Variants in POGZ observed in about 807,000 individuals in gnomAD.
The protein encoded by POGZ is pogo transposable element with ZNF domain.
In POGZ, 17 loss-of-function variants were observed where a neutral mutation model predicts 134.6. The ratio of observed to expected loss-of-function variants is 0.13; its 90% confidence interval spans 0.09 to 0.19. POGZ has a LOEUF of 0.19. Among genes scored for constraint, POGZ ranks in the 10% least tolerant of loss-of-function variants. POGZ has a pLI of 1.00. For missense variants in POGZ, 1,306 were observed against 1,769.7 expected, an observed-to-expected ratio of 0.74 and a Z score of 4.70; for synonymous variants, 693 against 657.1, an observed-to-expected ratio of 1.05 and a Z score of -0.84.
At chr1:151,440,415 T>C (rs569526534) in intron 3 of POGZ, among the ~76,000 whole-genome samples, 28 of 152,102 alleles carry the variant, frequency 1.8e-4, no homozygotes, top group Non-Finnish European at 3.4e-4. Flanking sequence ...AAACCAATAC[T>C]ATATAGCCTT....
In POGZ at chr1:151,459,282, A is replaced by T. The variant is rs932940007; in HGVS notation, c.-132T>A. The T allele has an allele frequency of 1.3e-5, 2 of 149,778 alleles. No homozygotes were observed. The highest frequency in any genetic ancestry group is 4.9e-5 in the African/African-American group (2 of 40,530). 9.3% of individuals were successfully genotyped at this position (149,778 alleles called of 1,614,324 possible). ...GGGGGCTTGGGGGGAGACGAAGAAG[A>T]GGTAACCGTTGAAAGCTCGTCTCCC... On this transcript the variant is annotated 5_prime_UTR_variant, in exon 1 of 19. Coordinates refer to ENST00000271715, the MANE Select transcript of POGZ (RefSeq NM_015100.4).
chr1:151,428,478 C>A, intron 5 of POGZ, 65 bp from the exon 6 acceptor site: 1 of 1,371,928 alleles, frequency 7.3e-7, no homozygotes, highest in Non-Finnish European at 1.0e-6. Flanking sequence ...ATTCTCCCTG[C>A]CTTTACTGGA....
chr1:151,427,652 G>C (rs764915472), intron 7 of POGZ, 171 bp downstream of exon 7: 43 of 587,458 alleles, frequency 7.3e-5, no homozygotes, highest in Non-Finnish European at 1.2e-4. Context: ...AGCTGATTCA[G>C]TTACACTTTT....
chr1:151,412,228 A>G, intron 11 of POGZ, 68 bp downstream of exon 11: 2 of 805,772 alleles, frequency 2.5e-6, no homozygotes, highest in South Asian at 3.0e-5. Flanking sequence ...AACAATATTC[A>G]TTAGTAAATT....
intron 10 of POGZ, among the ~76,000 whole-genome samples, chr1:151,416,409 G>A (rs1254404035): frequency 3.3e-5 from 5 of 151,894 alleles, no homozygotes; most frequent in Non-Finnish European, 5.9e-5. Context: ...GGATGAGGCA[G>A]GAGAACTGCC....
At chr1:151,456,065 A>C (rs1662740717) in intron 1 of POGZ, among the ~76,000 whole-genome samples, 1 of 152,102 alleles carries the variant, frequency 6.6e-6, no homozygotes, top group African/African-American at 2.4e-5. Context: ...CTTAAAGGAC[A>C]GTTAACATTT....
Position 151,403,770 on chromosome 1 carries a change from G to C in POGZ, c.*1032C>G. ...GTCTTTTTAAAGTTCAACACTTCTTGAACAATTAGCTCCTGGCTGTAGGAC... is the reference window on the plus strand; with the variant it reads ...GTCTTTTTAAAGTTCAACACTTCTTCAACAATTAGCTCCTGGCTGTAGGAC... On this transcript the variant is annotated 3_prime_UTR_variant, in exon 19 of 19. Coordinates refer to ENST00000271715, the MANE Select transcript of POGZ (RefSeq NM_015100.4). 1 of 985,600 alleles carries C rather than the reference G, an allele frequency of 1.0e-6. No homozygotes were observed. Among genetic ancestry groups the C allele is most frequent in the Non-Finnish European group, 1.2e-6 (1 of 829,888 alleles). 61.1% of individuals were successfully genotyped at this position (985,600 alleles called of 1,614,324 possible).
chr1:151,421,784 G>C (rs556763462), intron 10 of POGZ, among the ~76,000 whole-genome samples: 2 of 152,216 alleles, frequency 1.3e-5, no homozygotes, highest in Admixed American at 1.3e-4. Context: ...ACAGAGACTC[G>C]CTCTGTCATC....
chr1:151,434,342 T>C (rs12749695), intron 3 of POGZ, among the ~76,000 whole-genome samples: 29 of 151,772 alleles, frequency 1.9e-4, no homozygotes, highest in Admixed American at 1.8e-3. Flanking sequence ...GGCATGGTGG[T>C]GTGTGCCTGT....
At chr1:151,456,270 T>C (rs1455603732) in intron 1 of POGZ, among the ~76,000 whole-genome samples, 1 of 152,192 alleles carries the variant, frequency 6.6e-6, no homozygotes, top group Admixed American at 6.5e-5. Context: ...AATATTGCAG[T>C]CCTTAACCAC....
intron 15 of POGZ, 77 bp downstream of exon 15, chr1:151,408,023 A>G (rs1653981771): frequency 1.5e-5 from 16 of 1,072,348 alleles, no homozygotes; most frequent in East Asian, 2.6e-5. Flanking sequence ...AAAAAAAAAA[A>G]AAAAAAAAGA....
chr1:151,421,942 G>A (rs113449940), intron 10 of POGZ, among the ~76,000 whole-genome samples: 2,497 of 152,172 alleles, frequency 0.016, 83 homozygotes, highest in African/African-American at 0.057. Flanking sequence ...TAGTAGAGAT[G>A]TGGTTTTGCC....
intron 1 of POGZ, among the ~76,000 whole-genome samples, chr1:151,453,950 T>C (rs1662458848): frequency 1.3e-5 from 2 of 152,208 alleles, no homozygotes; most frequent in South Asian, 2.1e-4. Context: ...AGGTATTTAA[T>C]GGGCAGCAAA....
At chr1:151,428,946 A>T (rs1658232656) in intron 5 of POGZ, among the ~76,000 whole-genome samples, 1 of 152,162 alleles carries the variant, frequency 6.6e-6, no homozygotes, top group South Asian at 2.1e-4. Context: ...TCAGACTTAA[A>T]CCCCTATGGG....
At chr1:151,458,196 G>A (rs952716736) in intron 1 of POGZ, among the ~76,000 whole-genome samples, 7 of 152,046 alleles carry the variant, frequency 4.6e-5, no homozygotes, top group Non-Finnish European at 7.4e-5. Flanking sequence ...TGGAGAGGAA[G>A]GAAATAAGAA....
intron 10 of POGZ, among the ~76,000 whole-genome samples, chr1:151,421,003 A>ATATC (rs2102255553): frequency 6.7e-6 from 1 of 149,774 alleles, no homozygotes; most frequent in East Asian, 1.9e-4. Flanking sequence ...ATATATATAT[A>ATATC]TATACCTATG....
intron 16 of POGZ, 43 bp from the exon 17 acceptor site, chr1:151,407,066 G>A (rs1653779312): frequency 6.2e-6 from 9 of 1,456,334 alleles, no homozygotes; most frequent in Non-Finnish European, 8.7e-6. Flanking sequence ...ACACAGCAGT[G>A]ACACTTGAGA....
intron 5 of POGZ, among the ~76,000 whole-genome samples, chr1:151,429,056 A>T (rs1448795499): frequency 3.9e-5 from 6 of 152,126 alleles, no homozygotes. Context: ...ATTGTAGTAA[A>T]CTTATACATG....
At position 151,404,765 on chromosome 1, in the gene POGZ, C is replaced by A; in HGVS notation, c.*37G>T. The stretch of plus-strand genomic sequence containing the variant: ...GCCCCTTTACCCTCCCTCACATGTT[C>A]CCACCCTCACTCCACACCCCCTCAT... On this transcript the variant is annotated 3_prime_UTR_variant, in exon 19 of 19. Coordinates refer to ENST00000271715, the MANE Select transcript of POGZ (RefSeq NM_015100.4). 1 of 1,537,402 alleles carries A rather than the reference C, an allele frequency of 6.5e-7. No individual in the cohort carries two copies. The highest frequency in any genetic ancestry group is 8.8e-7 in the Non-Finnish European group (1 of 1,139,496).
Sources: gnomAD v4.1 joint callset for allele counts (sites outside exome capture counted in the v4.1 genomes callset) on GRCh38, gnomAD v4.1.1 for gene constraint, MANE v1.5 for transcripts, NCBI Gene and HGNC (gene_info 2026-07-23, HGNC 2026-07-21) for gene names.